AFF3: variants seen among roughly 807,000 people sequenced by gnomAD.
The protein encoded by AFF3 is AF4/FMR2 family member 3.
Under a neutral mutation model 129.7 loss-of-function variants are expected in AFF3, and 32 were observed. The observed-to-expected ratio is 0.25, with a 90% CI of 0.19 to 0.33. The LOEUF (loss-of-function observed/expected upper bound fraction) is 0.33, where lower values mean the gene tolerates loss of function less well. Among genes scored for constraint, AFF3 ranks in the 10% least tolerant of loss-of-function variants. The probability of loss-of-function intolerance (pLI) is 1.00; values close to 1 mark genes in which losing one functional copy is unlikely to be tolerated. For missense variants in AFF3, 1,373 were observed against 1,592.0 expected, an observed-to-expected ratio of 0.86 and a Z score of 2.34; for synonymous variants, 644 against 635.4, an observed-to-expected ratio of 1.01 and a Z score of -0.20.
intron 7 of AFF3, among the ~76,000 whole-genome samples, chr2:99,965,219 A>C (rs923790034): frequency 6.6e-6 from 1 of 152,210 alleles, no homozygotes; most frequent in South Asian, 2.1e-4. Flanking sequence ...GACAGAACCC[A>C]CCTATTCAAA....
At chr2:99,609,857 T>C (rs924588432) in intron 13 of AFF3, among the ~76,000 whole-genome samples, 1 of 152,198 alleles carries the variant, frequency 6.6e-6, no homozygotes, top group Non-Finnish European at 1.5e-5. Flanking sequence ...GTCAGGCCTC[T>C]GAGCCCAAGC....
chr2:99,964,960 C>A (rs1044617634), intron 7 of AFF3, among the ~76,000 whole-genome samples: 3 of 152,090 alleles, frequency 2.0e-5, no homozygotes, highest in African/African-American at 7.2e-5. Context: ...AATTAAAGCA[C>A]CTGTGGATGC....
At chr2:99,559,286 G>A (rs756275852) in intron 21 of AFF3, among the ~76,000 whole-genome samples, 2 of 152,266 alleles carry the variant, frequency 1.3e-5, no homozygotes, top group African/African-American at 2.4e-5. Context: ...CTCCACGAGA[G>A]GCGCGAGGTA....
intron 4 of AFF3, among the ~76,000 whole-genome samples, chr2:100,069,023 G>C (rs957832008): frequency 9.2e-5 from 14 of 152,054 alleles, no homozygotes; most frequent in African/African-American, 3.4e-4. Context: ...CTTGTATCAT[G>C]GGGGTGTGTT....
chr2:99,581,614 G>A (rs1157481907), intron 17 of AFF3, among the ~76,000 whole-genome samples: 1 of 151,850 alleles, frequency 6.6e-6, no homozygotes, highest in African/African-American at 2.4e-5. Context: ...CACCTCCCAG[G>A]TTCAAGCGAT....
intron 7 of AFF3, among the ~76,000 whole-genome samples, chr2:99,944,952 C>T (rs1365166622): frequency 1.3e-5 from 2 of 152,204 alleles, no homozygotes; most frequent in Non-Finnish European, 1.5e-5. Context: ...ATAAGGACTT[C>T]ACGTGAGTCT....
intron 2 of AFF3, 75 bp from the exon 3 acceptor site, chr2:100,105,658 T>C (rs1691235491): frequency 7.4e-7 from 1 of 1,344,948 alleles, no homozygotes; most frequent in Non-Finnish European, 9.9e-7. Context: ...AGACAGCTCT[T>C]CCCCCTGGCT....
intron 7 of AFF3, among the ~76,000 whole-genome samples, chr2:99,966,689 CAAAAAAAAAAAAAAA>C (rs61351679): frequency 2.5e-4 from 9 of 36,686 alleles, no homozygotes; most frequent in South Asian, 2.4e-3. Flanking sequence ...GACTCCGTCT[CAAAAAAAAAAAAAAA>C]AAAAAAAAAA....
At chr2:99,763,752 C>A (rs1682797437) in intron 8 of AFF3, among the ~76,000 whole-genome samples, 2 of 151,982 alleles carry the variant, frequency 1.3e-5, no homozygotes, top group African/African-American at 4.8e-5. Context: ...AAAAAGACTG[C>A]AAAAAAGAGG....
intron 7 of AFF3, among the ~76,000 whole-genome samples, chr2:99,978,117 A>G (rs572131011): frequency 2.2e-4 from 33 of 152,322 alleles, no homozygotes; most frequent in African/African-American, 7.9e-4. Flanking sequence ...GCTGCCTCTG[A>G]GGTTCAGGAG....
At chr2:99,739,060 G>A (rs1158282146) in intron 10 of AFF3, among the ~76,000 whole-genome samples, 1 of 134,522 alleles carries the variant, frequency 7.4e-6, no homozygotes, top group African/African-American at 2.7e-5. Context: ...GTTTTTGGGG[G>A]TTTTTGAGAA....
At chr2:100,012,607 C>A (rs924970767) in intron 4 of AFF3, among the ~76,000 whole-genome samples, 1 of 152,212 alleles carries the variant, frequency 6.6e-6, no homozygotes, top group Non-Finnish European at 1.5e-5. Context: ...TGTGCCGGTG[C>A]TCACCAGCCT....
intron 11 of AFF3, among the ~76,000 whole-genome samples, chr2:99,708,345 C>A (rs906146344): frequency 2.6e-5 from 4 of 152,126 alleles, no homozygotes; most frequent in Non-Finnish European, 4.4e-5. Flanking sequence ...TTGATTACCT[C>A]ATTTTAGTTT....
intron 18 of AFF3, among the ~76,000 whole-genome samples, chr2:99,570,484 G>A (rs1455824830): frequency 6.6e-6 from 1 of 152,086 alleles, no homozygotes; most frequent in African/African-American, 2.4e-5. Context: ...CTACAGGTGT[G>A]TGCCACTATG....
rs144737822 is a variant in AFF3, at chr2:99,548,886, AACGTGCTCCAC to A, written c.*2577_*2587del. On this transcript the variant is annotated 3_prime_UTR_variant, in exon 25 of 25. Transcript: ENST00000672756. ...CAAACCCCACAGAAACTGCTGTACC[AACGTGCTCCAC>A]ACGTGCTCCACAGATGAAACAAGAC... 0.018 allele frequency: 4,079 copies of A among 232,812 alleles called. 158 individuals are homozygous for A. Among genetic ancestry groups the A allele is most frequent in the African/African-American group, 0.082 (3,737 of 45,414 alleles). The allele number at this position is 232,812 out of a possible 1,614,324, so 14.4% of individuals were successfully genotyped here. A position where few individuals can be genotyped will look rare whatever the true frequency, so the allele number is the denominator to read the frequency against.
At chr2:99,865,801 C>T (rs917188316) in intron 7 of AFF3, among the ~76,000 whole-genome samples, 4 of 152,048 alleles carry the variant, frequency 2.6e-5, no homozygotes, top group East Asian at 3.9e-4. Flanking sequence ...GCATTTATTC[C>T]GGGGGTGTGA....
chr2:100,123,165 ACC>A (rs1692047794), intron 2 of AFF3, among the ~76,000 whole-genome samples: 1 of 152,230 alleles, frequency 6.6e-6, no homozygotes, highest in Non-Finnish European at 1.5e-5. Flanking sequence ...AAAAATGTCT[ACC>A]ATTTGGCTTG....
chr2:99,707,008 C>T (rs1677459749), intron 11 of AFF3: 1 of 744,106 alleles, frequency 1.3e-6, no homozygotes, highest in African/African-American at 1.9e-5. Flanking sequence ...GCATATTCAG[C>T]AGACAGCACA....
intron 4 of AFF3, among the ~76,000 whole-genome samples, chr2:100,054,629 G>A (rs1370733059): frequency 3.9e-5 from 6 of 152,148 alleles, no homozygotes; most frequent in Non-Finnish European, 8.8e-5. Context: ...TGCAGATCTT[G>A]GAACTTGTTG....
Sources: allele counts gnomAD v4.1 joint callset (sites outside exome capture counted in the v4.1 genomes callset), GRCh38; gene constraint gnomAD v4.1.1; transcripts MANE v1.5; gene names NCBI Gene and HGNC (gene_info 2026-07-23, HGNC 2026-07-21).